The following NEK6 variants were observed in gnomAD, a reference collection of about 807,000 sequenced individuals.
NEK6 encodes serine/threonine-protein kinase Nek6.
NEK6 carries 27 observed loss-of-function variants against 43.5 expected under a neutral mutation model. The observed-to-expected ratio is 0.62, with a 90% CI of 0.46 to 0.86. The LOEUF is 0.86. NEK6 is among the 40% of genes least tolerant of loss of function. The probability of loss-of-function intolerance (pLI) is 0.00; values close to 1 mark genes in which losing one functional copy is unlikely to be tolerated. For synonymous variants in NEK6, 167 were observed against 164.1 expected, an observed-to-expected ratio of 1.02 and a Z score of -0.14; for missense variants, 318 against 414.4, an observed-to-expected ratio of 0.77 and a Z score of 2.02.
chr9:124,351,133 CAT>C lies in NEK6; in HGVS notation c.*187_*188del. 1 of 560,238 alleles carries C rather than the reference CAT, an allele frequency of 1.8e-6. No individual in the cohort carries two copies. 34.7% of individuals were successfully genotyped at this position (560,238 alleles called of 1,614,324 possible). ...GCAGCTGAGGGAGGGGCGCTGGCCA[CAT>C]GTCACTGATGGTCAGATTCCAAAGT... On this transcript the variant is annotated 3_prime_UTR_variant, in exon 10 of 10. Coordinates refer to ENST00000320246, the MANE Select transcript of NEK6 (RefSeq NM_014397.6).
chr9:124,299,537 AGT>A (rs1015174872), intron 1 of NEK6, among the ~76,000 whole-genome samples: 38 of 152,286 alleles, frequency 2.5e-4, no homozygotes, highest in African/African-American at 8.4e-4. Flanking sequence ...CCTGCGCTCC[AGT>A]GCAAGAACTC....
At chr9:124,280,460 G>A (rs1020574875) in intron 1 of NEK6, among the ~76,000 whole-genome samples, 35 of 152,216 alleles carry the variant, frequency 2.3e-4, no homozygotes, top group African/African-American at 7.7e-4. Flanking sequence ...CCATTGGAGC[G>A]TCCTTAGAGA....
intron 1 of NEK6, among the ~76,000 whole-genome samples, chr9:124,285,570 A>G (rs1292562169): frequency 1.3e-5 from 2 of 152,148 alleles, no homozygotes; most frequent in Non-Finnish European, 2.9e-5. Flanking sequence ...AAGAAATCAG[A>G]GTTCATGGAA....
chr9:124,294,876 CTG>C (rs1367922467), intron 1 of NEK6, among the ~76,000 whole-genome samples: 1 of 152,142 alleles, frequency 6.6e-6, no homozygotes, highest in East Asian at 1.9e-4. Flanking sequence ...CTGAAGGTAA[CTG>C]TAGGGACCCA....
chr9:124,347,827 G>A lies in NEK6; in HGVS notation c.831+5G>A. 1 of 1,595,700 alleles carries A rather than the reference G, an allele frequency of 6.3e-7. No individual in the cohort carries two copies. The highest frequency in any genetic ancestry group is 1.1e-5 in the South Asian group (1 of 90,272). ...GGGGAGCACTACTCCGAGAAGGTGAGTTTGCAGGAGCCGGAGGCCTCGCCA... is the reference window on the plus strand; with the variant it reads ...GGGGAGCACTACTCCGAGAAGGTGAATTTGCAGGAGCCGGAGGCCTCGCCA... On this transcript the variant is annotated splice_donor_5th_base_variant and intron_variant, in intron 9 of 9. Transcript: ENST00000320246.
chr9:124,261,826 G>A (rs543128604), intron 1 of NEK6, among the ~76,000 whole-genome samples: 8 of 152,290 alleles, frequency 5.3e-5, no homozygotes, highest in African/African-American at 1.9e-4. Flanking sequence ...TTTGAGATGC[G>A]TTAATTTAAG....
intron 1 of NEK6, among the ~76,000 whole-genome samples, chr9:124,273,765 G>T (rs974673117): frequency 6.6e-6 from 1 of 152,206 alleles, no homozygotes; most frequent in African/African-American, 2.4e-5. Context: ...CCTCACTGCA[G>T]CAGGGGAGCG....
At chr9:124,319,797 A>G (rs747852368) in intron 4 of NEK6, among the ~76,000 whole-genome samples, 6 of 152,150 alleles carry the variant, frequency 3.9e-5, no homozygotes, top group African/African-American at 1.4e-4. Flanking sequence ...CCATTGGTCT[A>G]TGTATCTATT....
chr9:124,297,070 A>T (rs1210444472), intron 1 of NEK6, among the ~76,000 whole-genome samples: 1 of 152,206 alleles, frequency 6.6e-6, no homozygotes, highest in African/African-American at 2.4e-5. Context: ...CACGTAGATG[A>T]TGAAGACGTT....
chr9:124,344,034 A>T, intron 8 of NEK6, among the ~76,000 whole-genome samples: 1 of 152,200 alleles, frequency 6.6e-6, no homozygotes, highest in Middle Eastern at 3.4e-3. Context: ...CTGGGGGCGA[A>T]TCTGTTTCCT....
At chr9:124,312,172 C>T (rs981870873) in intron 2 of NEK6, among the ~76,000 whole-genome samples, 4 of 152,234 alleles carry the variant, frequency 2.6e-5, no homozygotes, top group South Asian at 2.1e-4. Flanking sequence ...GAGGATGAGA[C>T]GGGCAACGCC....
intron 1 of NEK6, among the ~76,000 whole-genome samples, chr9:124,261,976 T>G (rs1244673999): frequency 6.6e-6 from 1 of 151,460 alleles, no homozygotes; most frequent in African/African-American, 2.4e-5. Context: ...TTTGCTGACA[T>G]CATTCTTAGG....
intron 2 of NEK6, among the ~76,000 whole-genome samples, chr9:124,302,656 C>T (rs532894378): frequency 1.3e-5 from 2 of 152,346 alleles, no homozygotes; most frequent in South Asian, 2.1e-4. Context: ...CCATGCTGCC[C>T]GGGCCTGGCA....
At chr9:124,265,312 A>G (rs1243535721) in intron 1 of NEK6, among the ~76,000 whole-genome samples, 1 of 152,210 alleles carries the variant, frequency 6.6e-6, no homozygotes, top group Non-Finnish European at 1.5e-5. Flanking sequence ...TCACGAGCTC[A>G]GGAGTTTGAG....
At chr9:124,304,256 G>A (rs1037459594) in intron 2 of NEK6, among the ~76,000 whole-genome samples, 7 of 152,198 alleles carry the variant, frequency 4.6e-5, no homozygotes, top group African/African-American at 9.7e-5. Flanking sequence ...GCCGTGTCTC[G>A]CCTGTTTCAG....
At chr9:124,335,066 C>G (rs1368118037) in intron 7 of NEK6, among the ~76,000 whole-genome samples, 1 of 152,170 alleles carries the variant, frequency 6.6e-6, no homozygotes, top group African/African-American at 2.4e-5. Flanking sequence ...GCATCTGTCC[C>G]CTGCCATCTC....
chr9:124,318,276 C>G (rs1833915038), intron 4 of NEK6, among the ~76,000 whole-genome samples: 1 of 152,200 alleles, frequency 6.6e-6, no homozygotes, highest in South Asian at 2.1e-4. Flanking sequence ...GGGTCACACC[C>G]TATCATCTAA....
intron 1 of NEK6, among the ~76,000 whole-genome samples, chr9:124,295,486 G>T (rs1832642191): frequency 6.6e-6 from 1 of 152,230 alleles, no homozygotes; most frequent in African/African-American, 2.4e-5. Flanking sequence ...TATTCATTCA[G>T]TCAGTCATTT....
intron 7 of NEK6, among the ~76,000 whole-genome samples, chr9:124,329,746 C>CCAG (rs1828870482): frequency 2.0e-5 from 3 of 152,362 alleles, no homozygotes; most frequent in South Asian, 4.1e-4. Context: ...AAGCTAAAGC[C>CCAG]CAGGACCTGT....
Sources: gnomAD v4.1 joint callset for allele counts (sites outside exome capture counted in the v4.1 genomes callset) on GRCh38, gnomAD v4.1.1 for gene constraint, MANE v1.5 for transcripts, NCBI Gene and HGNC (gene_info 2026-07-23, HGNC 2026-07-21) for gene names.